The following SMYD3 variants were observed in gnomAD, a reference collection of about 807,000 sequenced individuals.
SMYD3 encodes the protein histone-lysine N-methyltransferase SMYD3.
In SMYD3, 36 loss-of-function variants were observed where a neutral mutation model predicts 57.7. The observed-to-expected ratio is 0.62, with a 90% CI of 0.48 to 0.82. SMYD3 has a LOEUF of 0.82. Ranked by LOEUF, SMYD3 falls within the 40% of genes least tolerant of loss-of-function variation. The probability of loss-of-function intolerance (pLI) is 0.00; values close to 1 mark genes in which losing one functional copy is unlikely to be tolerated. For synonymous variants in SMYD3, 211 were observed against 195.0 expected (o/e 1.08, Z -0.68); for missense variants, 515 against 538.8 (o/e 0.96, Z 0.44).
At chr1:246,002,590 TTA>T (rs1472597713) in intron 5 of SMYD3, among the ~76,000 whole-genome samples, 7 of 128,198 alleles carry the variant, frequency 5.5e-5, no homozygotes, top group African/African-American at 2.0e-4. Context: ...AGTGCTGGGA[TTA>T]CAGGCGCCCG....
chr1:246,277,915 G>C (rs929180810), intron 5 of SMYD3, among the ~76,000 whole-genome samples: 6 of 152,294 alleles, frequency 3.9e-5, no homozygotes, highest in African/African-American at 1.4e-4. Flanking sequence ...TTGGGGTCAC[G>C]GAAAGTTCTG....
chr1:246,032,978 G>A (rs1019084339), intron 5 of SMYD3, among the ~76,000 whole-genome samples: 1 of 152,130 alleles, frequency 6.6e-6, no homozygotes, highest in African/African-American at 2.4e-5. Flanking sequence ...ATGCTTTAGG[G>A]ATCGCTGCAA....
At chr1:245,874,349 G>C (rs1288048732) in intron 8 of SMYD3, among the ~76,000 whole-genome samples, 2 of 152,214 alleles carry the variant, frequency 1.3e-5, no homozygotes, top group East Asian at 3.8e-4. Context: ...GAGCACATCA[G>C]ATTATCTAAT....
chr1:246,166,370 T>A (rs1053612211), intron 5 of SMYD3, among the ~76,000 whole-genome samples: 1 of 152,188 alleles, frequency 6.6e-6, no homozygotes, highest in South Asian at 2.1e-4. Flanking sequence ...CATGCATGAC[T>A]GAAACCTACC....
chr1:245,908,490 A>G (rs1457836038), intron 8 of SMYD3, among the ~76,000 whole-genome samples: 1 of 152,216 alleles, frequency 6.6e-6, no homozygotes, highest in African/African-American at 2.4e-5. Context: ...GGAATCCAGC[A>G]GATGTTTACA....
chr1:245,892,555 T>C (rs1291582546), intron 8 of SMYD3, among the ~76,000 whole-genome samples: 6 of 152,250 alleles, frequency 3.9e-5, no homozygotes, highest in Non-Finnish European at 7.3e-5. Context: ...TTGGATTTCA[T>C]GTCTCTGGCC....
At chr1:246,387,881 T>A (rs1558438794) in intron 1 of SMYD3, among the ~76,000 whole-genome samples, 2 of 72,184 alleles carry the variant, frequency 2.8e-5, no homozygotes, top group African/African-American at 5.5e-5. Context: ...AGTCAGTTTC[T>A]GGGGACCTCC....
chr1:246,057,259 A>T (rs1013988808), intron 5 of SMYD3, among the ~76,000 whole-genome samples: 1 of 152,360 alleles, frequency 6.6e-6, no homozygotes, highest in South Asian at 2.1e-4. Flanking sequence ...CCTCTTCCAT[A>T]TAGTCTACCT....
chr1:245,836,369 C>T (rs1377715434), intron 10 of SMYD3, among the ~76,000 whole-genome samples: 2 of 152,312 alleles, frequency 1.3e-5, no homozygotes, highest in Non-Finnish European at 2.9e-5. Context: ...ATCCTCCGTG[C>T]GGTCCTGAAC....
At chr1:246,285,763 C>G (rs1300336662) in intron 5 of SMYD3, among the ~76,000 whole-genome samples, 1 of 152,086 alleles carries the variant, frequency 6.6e-6, no homozygotes, top group Non-Finnish European at 1.5e-5. Flanking sequence ...GGACTAATAT[C>G]CAGAATCTAC....
chr1:246,258,072 T>G (rs932735549), intron 5 of SMYD3, among the ~76,000 whole-genome samples: 2 of 152,202 alleles, frequency 1.3e-5, no homozygotes, highest in Non-Finnish European at 2.9e-5. Flanking sequence ...AGTCTCACTT[T>G]GTCACCCAGG....
intron 5 of SMYD3, among the ~76,000 whole-genome samples, chr1:246,160,440 G>C (rs1314416401): frequency 1.3e-5 from 2 of 152,110 alleles, no homozygotes; most frequent in African/African-American, 4.8e-5. Flanking sequence ...GAGATACCTG[G>C]GGAGGGAGAA....
At chr1:246,493,319 AAAAG>A (rs1217041748) in intron 1 of SMYD3, among the ~76,000 whole-genome samples, 1 of 152,054 alleles carries the variant, frequency 6.6e-6, no homozygotes, top group Non-Finnish European at 1.5e-5. Context: ...TAAATAAATA[AAAAG>A]AAAGAGGAGT....
chr1:246,397,319 C>T (rs1313945563), intron 1 of SMYD3, among the ~76,000 whole-genome samples: 1 of 152,138 alleles, frequency 6.6e-6, no homozygotes, highest in Non-Finnish European at 1.5e-5. Flanking sequence ...AAAGCCATCC[C>T]CTGTCCTCCA....
chr1:246,436,195 A>AAC (rs937753877), intron 1 of SMYD3, among the ~76,000 whole-genome samples: 14 of 151,798 alleles, frequency 9.2e-5, no homozygotes, highest in Non-Finnish European at 2.1e-4. Context: ...TATTTGAAAA[A>AAC]AAAAAAAACT....
intron 5 of SMYD3, chr1:246,034,601 C>A (rs528031062): frequency 6.5e-6 from 1 of 152,672 alleles, no homozygotes; most frequent in South Asian, 2.1e-4. Context: ...GGAGAACAGA[C>A]CATCAGTGCA....
intron 5 of SMYD3, among the ~76,000 whole-genome samples, chr1:245,977,512 C>G (rs1015437782): frequency 3.9e-5 from 6 of 152,122 alleles, no homozygotes; most frequent in Non-Finnish European, 1.5e-5. Context: ...AACCTCGTCT[C>G]TACTAGAAAT....
intron 10 of SMYD3, among the ~76,000 whole-genome samples, chr1:245,817,982 T>A (rs2048946566): frequency 6.6e-6 from 1 of 152,122 alleles, no homozygotes; most frequent in Non-Finnish European, 1.5e-5. Context: ...TGCAGGATAT[T>A]ATCCAGGAGA....
At position 246,344,418 on chromosome 1, in the gene SMYD3, G is replaced by A. The variant is rs542148122; in HGVS notation, c.229-8944C>T. 4.6e-5 allele frequency among the ~76,000 whole-genome samples: 7 copies of A among 152,178 alleles called. No individual in the cohort carries two copies. The South Asian group carries it at 6.2e-4, about 14-fold the overall frequency. ...GTGTTTTGAGATTCACTAACGTTGC[G>A]GCATGCATCAGTAGTTTGTTCCTCT... On this transcript the variant is annotated intron_variant, in intron 2 of 11. Transcript: ENST00000490107.
Sources: allele counts gnomAD v4.1 joint callset (sites outside exome capture counted in the v4.1 genomes callset), GRCh38; gene constraint gnomAD v4.1.1; transcripts MANE v1.5; gene names NCBI Gene and HGNC (gene_info 2026-07-23, HGNC 2026-07-21).